Variants in IRAG2 observed in about 807,000 individuals in gnomAD.
IRAG2 encodes the protein lymphoid restricted membrane protein.
A neutral mutation model predicts 69.9 loss-of-function variants in IRAG2; 45 were observed. That is an observed-to-expected ratio of 0.64 (90% CI 0.51 to 0.83). The LOEUF (loss-of-function observed/expected upper bound fraction) is 0.83, where lower values mean the gene tolerates loss of function less well. Among genes scored for constraint, IRAG2 ranks in the 40% least tolerant of loss-of-function variants. The pLI, the probability that IRAG2 is intolerant of heterozygous loss-of-function variation, is 0.00. For synonymous variants in IRAG2, 193 were observed against 202.4 expected, an observed-to-expected ratio of 0.95 and a Z score of 0.40; for missense variants, 520 against 587.0, an observed-to-expected ratio of 0.89 and a Z score of 1.18.
intron 2 of IRAG2, among the ~76,000 whole-genome samples, chr12:25,007,202 G>C (rs1944439834): frequency 6.6e-6 from 1 of 152,042 alleles, no homozygotes; most frequent in Non-Finnish European, 1.5e-5. Context: ...ATTATTTTGA[G>C]GCAAATCGCA....
intron 7 of IRAG2, among the ~76,000 whole-genome samples, chr12:25,022,507 A>G (rs1461408922): frequency 1.3e-5 from 2 of 152,190 alleles, no homozygotes; most frequent in Non-Finnish European, 2.9e-5. Context: ...AAATAAATAA[A>G]TAAAAATAAA....
chr12:25,051,050 TACA>T (rs1397779937), upstream of IRAG2, among the ~76,000 whole-genome samples: 4 of 152,236 alleles, frequency 2.6e-5, no homozygotes, highest in South Asian at 4.1e-4. Flanking sequence ...AGATCTGCTG[TACA>T]ACATTATGCC....
At chr12:25,005,291 A>C in exon 2 of IRAG2, 4 of 1,231,604 alleles carry the variant, frequency 3.2e-6, no homozygotes, top group Non-Finnish European at 4.1e-6. Flanking sequence ...ATACAGCATC[A>C]ACAGGGCCTG....
At chr12:25,021,860 T>C (rs1295836036) in intron 7 of IRAG2, among the ~76,000 whole-genome samples, 1 of 152,156 alleles carries the variant, frequency 6.6e-6, no homozygotes, top group African/African-American at 2.4e-5. Flanking sequence ...GCCTCAGTAG[T>C]AAAATATGGG....
At chr12:25,075,523 T>C (rs1461163386) in intron 6 of IRAG2, among the ~76,000 whole-genome samples, 2 of 97,540 alleles carry the variant, frequency 2.1e-5, no homozygotes, top group African/African-American at 5.2e-5. Context: ...TGTGTATGCG[T>C]GTGTGTGTGT....
intron 12 of IRAG2, among the ~76,000 whole-genome samples, chr12:25,033,490 G>T (rs1944684056): frequency 6.6e-6 from 1 of 152,226 alleles, no homozygotes; most frequent in Non-Finnish European, 1.5e-5. Context: ...GGGTTACTCT[G>T]TTTAGCTCCA....
intron 9 of IRAG2, among the ~76,000 whole-genome samples, chr12:25,028,780 G>A (rs1215533976): frequency 6.6e-6 from 1 of 152,130 alleles, no homozygotes; most frequent in Non-Finnish European, 1.5e-5. Context: ...ACATTCTGAT[G>A]TAGAGTTTTC....
chr12:25,086,761 A>G (rs1228886240), intron 10 of IRAG2, among the ~76,000 whole-genome samples: 1 of 152,186 alleles, frequency 6.6e-6, no homozygotes, highest in Non-Finnish European at 1.5e-5. Flanking sequence ...GTCAAGTAAG[A>G]TAAAGACTGA....
At chr12:25,023,119 T>A (rs1416630925) in intron 7 of IRAG2, among the ~76,000 whole-genome samples, 3 of 109,950 alleles carry the variant, frequency 2.7e-5, no homozygotes, top group Non-Finnish European at 3.7e-5. Context: ...AGAGCGAGAC[T>A]TCGTCTCAAA....
At chr12:25,030,602 G>A (rs1944661800) in intron 10 of IRAG2, among the ~76,000 whole-genome samples, 2 of 152,106 alleles carry the variant, frequency 1.3e-5, no homozygotes, top group African/African-American at 4.8e-5. Flanking sequence ...GGCCAGACTG[G>A]TCTTGAACTC....
At chr12:25,084,145 T>C (rs1279992188) in intron 10 of IRAG2, among the ~76,000 whole-genome samples, 2 of 152,286 alleles carry the variant, frequency 1.3e-5, no homozygotes, top group Middle Eastern at 3.4e-3. Context: ...CCCAGCACTT[T>C]GAGAGATCGA....
chr12:25,079,840 C>A (rs1315798050), intron 9 of IRAG2, 77 bp downstream of exon 9: 3 of 817,690 alleles, frequency 3.7e-6, no homozygotes, highest in Non-Finnish European at 6.2e-6. Flanking sequence ...AAGTAACTAT[C>A]CACACTAGCT....
chr12:25,015,087 TG>T, intron 3 of IRAG2: 1 of 161,720 alleles, frequency 6.2e-6, no homozygotes, highest in Non-Finnish European at 9.1e-6. Context: ...AGCATAAATC[TG>T]AAAAAAAAAA....
chr12:25,096,152 TTGA>T (rs1335922083), intron 14 of IRAG2, among the ~76,000 whole-genome samples: 1 of 151,756 alleles, frequency 6.6e-6, no homozygotes, highest in Admixed American at 6.7e-5. Flanking sequence ...ATCAGAAAGG[TTGA>T]TTTTTTTTGA....
intron 2 of IRAG2, chr12:25,006,371 G>C (rs536991022): frequency 1.3e-5 from 2 of 152,184 alleles, no homozygotes; most frequent in African/African-American, 2.4e-5. Flanking sequence ...CTGTCCACTG[G>C]GTATGTACCC....
chr12:25,089,600 T>C lies in IRAG2; in HGVS notation c.374-14T>C. ...GCCTTTTTAACCAAATAATATTTTATTATATTTTAATAGACTCTGTGGTTT... is the reference window on the plus strand; with the variant it reads ...GCCTTTTTAACCAAATAATATTTTACTATATTTTAATAGACTCTGTGGTTT... On this transcript the variant is annotated splice_polypyrimidine_tract_variant and intron_variant, in intron 11 of 21. Transcript: ENST00000556887. 2.0e-6 allele frequency: 3 copies of C among 1,508,296 alleles called. No homozygotes were observed. The highest frequency in any genetic ancestry group is 2.8e-5 in the African/African-American group (2 of 71,514). The allele number at this position is 1,508,296 out of a possible 1,614,324, so 93.4% of individuals were successfully genotyped here.
chr12:25,043,894 A>G (rs897681269), intron 16 of IRAG2, among the ~76,000 whole-genome samples: 2 of 152,194 alleles, frequency 1.3e-5, no homozygotes, highest in Non-Finnish European at 2.9e-5. Flanking sequence ...CCCTAATGAA[A>G]CAGGTAAAGA....
intron 10 of IRAG2, among the ~76,000 whole-genome samples, chr12:25,083,708 C>T (rs938071194): frequency 6.6e-6 from 1 of 152,226 alleles, no homozygotes; most frequent in Non-Finnish European, 1.5e-5. Flanking sequence ...GAACTAGGAT[C>T]TCCTAGCTCC....
intron 16 of IRAG2, among the ~76,000 whole-genome samples, chr12:25,043,625 G>A (rs77113704): frequency 0.014 from 2,055 of 151,976 alleles, 46 homozygotes; most frequent in African/African-American, 0.047. Flanking sequence ...AGTACTATGA[G>A]ATGCATCATG....
Sources: allele counts gnomAD v4.1 joint callset (sites outside exome capture counted in the v4.1 genomes callset), GRCh38; gene constraint gnomAD v4.1.1; transcripts MANE v1.5; gene names NCBI Gene and HGNC (gene_info 2026-07-23, HGNC 2026-07-21).